Variants in RSPH1 observed in about 807,000 individuals in gnomAD.
RSPH1 encodes the protein radial spoke head 1 homolog.
RSPH1 carries 32 observed loss-of-function variants against 44.2 expected under a neutral mutation model. The observed-to-expected ratio is 0.72, with a 90% CI of 0.55 to 0.97. RSPH1 has a LOEUF of 0.97. RSPH1 is among the 50% of genes least tolerant of loss of function. The pLI is 0.00. For missense variants in RSPH1, 391 were observed against 398.7 expected, an observed-to-expected ratio of 0.98 and a Z score of 0.16; for synonymous variants, 134 against 147.3, an observed-to-expected ratio of 0.91 and a Z score of 0.65.
At chr21:42,494,939 A>T (rs1313467999) in intron 1 of RSPH1, among the ~76,000 whole-genome samples, 1 of 152,118 alleles carries the variant, frequency 6.6e-6, no homozygotes, top group Admixed American at 6.5e-5. Flanking sequence ...AGCTCAGGCA[A>T]TCTGCCCACC....
At chr21:42,479,115 ACT>A (rs1465828060) in intron 6 of RSPH1, among the ~76,000 whole-genome samples, 3 of 152,174 alleles carry the variant, frequency 2.0e-5, no homozygotes, top group Non-Finnish European at 2.9e-5. Context: ...CAAATTTCAA[ACT>A]CTATAAACGT....
At chr21:42,475,326 G>A (rs899430299) in intron 8 of RSPH1, among the ~76,000 whole-genome samples, 2 of 152,118 alleles carry the variant, frequency 1.3e-5, no homozygotes, top group African/African-American at 2.4e-5. Context: ...CAGCACTTTG[G>A]GAGGCCGAGG....
chr21:42,473,486 T>C (rs1050002691), intron 8 of RSPH1, among the ~76,000 whole-genome samples: 2 of 73,184 alleles, frequency 2.7e-5, no homozygotes, highest in Admixed American at 1.2e-4. Context: ...CAAGATTCCA[T>C]CTTAAAAAAA....
rs751917801 is a variant in RSPH1 at position 42,477,461 on chromosome 21, A to G, written c.574-17T>C. The G allele has an allele frequency of 2.5e-6, 4 of 1,612,490 alleles. No homozygotes were observed. The South Asian group carries it at 4.4e-5, about 18-fold the overall frequency. On this transcript the variant is annotated splice_polypyrimidine_tract_variant and intron_variant, in intron 6 of 8. Transcript: ENST00000291536. ...TCCTCTTTCCTATTTTAAGTGCAAA[A>G]ATGTACATTTACCAACATTTGTGTC...
intron 8 of RSPH1, among the ~76,000 whole-genome samples, chr21:42,473,997 G>A (rs568720646): frequency 3.3e-5 from 5 of 152,248 alleles, no homozygotes; most frequent in African/African-American, 4.8e-5. Context: ...ACTGGGCATC[G>A]TCCACTCGGC....
At chr21:42,479,820 A>G (rs910416940) in intron 6 of RSPH1, among the ~76,000 whole-genome samples, 3 of 152,120 alleles carry the variant, frequency 2.0e-5, no homozygotes, top group Admixed American at 2.0e-4. Flanking sequence ...GTTTTGTTAG[A>G]TGCAGGTGAC....
At chr21:42,487,499 G>A (rs1431537565) in intron 3 of RSPH1, among the ~76,000 whole-genome samples, 1 of 152,210 alleles carries the variant, frequency 6.6e-6, no homozygotes, top group East Asian at 1.9e-4. Flanking sequence ...ATATGGAGAA[G>A]CATTCAAAGA....
intron 3 of RSPH1, among the ~76,000 whole-genome samples, chr21:42,486,859 G>A (rs938021891): frequency 1.8e-4 from 28 of 152,330 alleles, no homozygotes; most frequent in East Asian, 1.3e-3. Flanking sequence ...AAGATGCAAC[G>A]AGGAGGGAGA....
At chr21:42,492,677 G>A in intron 3 of RSPH1, 81 bp downstream of exon 3, 2 of 781,898 alleles carry the variant, frequency 2.6e-6, no homozygotes, top group South Asian at 1.5e-5. Context: ...TCTCATACAT[G>A]TCAGTATTCA....
chr21:42,489,341 T>C (rs748490085), intron 3 of RSPH1, among the ~76,000 whole-genome samples: 3 of 152,032 alleles, frequency 2.0e-5, no homozygotes, highest in Non-Finnish European at 4.4e-5. Context: ...GGTTAATTGG[T>C]TGGTTGATTG....
At chr21:42,494,108 T>C (rs377115789) in intron 1 of RSPH1, among the ~76,000 whole-genome samples, 1 of 152,202 alleles carries the variant, frequency 6.6e-6, no homozygotes, top group East Asian at 1.9e-4. Flanking sequence ...AATTTTCCTA[T>C]CCTTCAGAAA....
intron 6 of RSPH1, among the ~76,000 whole-genome samples, chr21:42,477,712 G>C (rs1009859367): frequency 6.6e-6 from 1 of 152,104 alleles, no homozygotes; most frequent in Non-Finnish European, 1.5e-5. Flanking sequence ...TGCCACAAAA[G>C]GCTTTCAGAT....
intron 1 of RSPH1, among the ~76,000 whole-genome samples, chr21:42,493,573 G>A (rs916732425): frequency 2.0e-5 from 3 of 152,098 alleles, no homozygotes; most frequent in African/African-American, 7.3e-5. Context: ...GCGGGGTGTG[G>A]CCTGAAGAGA....
rs147758116 is a variant in RSPH1, at chr21:42,490,493, C to T, written c.274+2265G>A. Among the ~76,000 whole-genome samples the T allele has an allele frequency of 2.5e-3, 374 of 152,278 alleles. 2 individuals carry two copies. The highest frequency in any genetic ancestry group is 8.4e-3 in the African/African-American group (350 of 41,548). On this transcript the variant is annotated intron_variant, in intron 3 of 8. Transcript: ENST00000291536. ...CTTCTGACCTCAGTTTCCATTGCTG[C>T]CTTCATGAAGTAAGACACTTATTTA...
At chr21:42,485,514 T>C in intron 5 of RSPH1, 155 bp downstream of exon 5, 1 of 797,878 alleles carries the variant, frequency 1.3e-6, no homozygotes, top group Non-Finnish European at 2.0e-6. Context: ...TACCAGAGGC[T>C]CAGAGAATGG....
chr21:42,487,192 C>T (rs1441459839), intron 3 of RSPH1, among the ~76,000 whole-genome samples: 1 of 152,176 alleles, frequency 6.6e-6, no homozygotes, highest in African/African-American at 2.4e-5. Flanking sequence ...ATTCATAATA[C>T]CACTCCATGA....
At chr21:42,478,510 T>G (rs893693266) in intron 6 of RSPH1, among the ~76,000 whole-genome samples, 2 of 152,200 alleles carry the variant, frequency 1.3e-5, no homozygotes, top group Non-Finnish European at 2.9e-5. Context: ...TCCTAACAGA[T>G]TCCCAGGTGA....
chr21:42,476,380 C>G (rs61656534), intron 7 of RSPH1, among the ~76,000 whole-genome samples: 1 of 152,152 alleles, frequency 6.6e-6, no homozygotes, highest in South Asian at 2.1e-4. Context: ...AGAGCTGGGA[C>G]AGAGGGCAGA....
chr21:42,495,045 G>T (rs1285941933), intron 1 of RSPH1, among the ~76,000 whole-genome samples: 1 of 152,158 alleles, frequency 6.6e-6, no homozygotes, highest in Non-Finnish European at 1.5e-5. Flanking sequence ...AAAGAGGGCA[G>T]GGAAGTAGAC....
Sources: allele counts gnomAD v4.1 joint callset (sites outside exome capture counted in the v4.1 genomes callset), GRCh38; gene constraint gnomAD v4.1.1; transcripts MANE v1.5; gene names NCBI Gene and HGNC (gene_info 2026-07-23, HGNC 2026-07-21).